Variants in SYN2 observed in about 807,000 individuals in gnomAD.
SYN2 encodes synapsin-2.
In SYN2, 19 loss-of-function variants were observed where a neutral mutation model predicts 50.9. The ratio of observed to expected loss-of-function variants is 0.37; its 90% CI spans 0.26 to 0.55. The LOEUF is 0.55. Ranked by LOEUF, SYN2 falls within the 20% of genes least tolerant of loss-of-function variation. The pLI is 0.81. For synonymous variants in SYN2, 255 were observed against 224.9 expected, an observed-to-expected ratio of 1.13 and a Z score of -1.20; for missense variants, 587 against 576.4, an observed-to-expected ratio of 1.02 and a Z score of -0.19.
chr3:12,119,247 T>G (rs569567612), intron 1 of SYN2, among the ~76,000 whole-genome samples: 1 of 152,302 alleles, frequency 6.6e-6, no homozygotes, highest in African/African-American at 2.4e-5. Context: ...TAACAACTCT[T>G]CTGGCCACTA....
intron 1 of SYN2, among the ~76,000 whole-genome samples, chr3:12,044,956 G>C (rs1694703719): frequency 6.6e-6 from 1 of 152,148 alleles, no homozygotes; most frequent in Non-Finnish European, 1.5e-5. Context: ...TTATGAATGA[G>C]AAAATTGAAG....
intron 1 of SYN2, among the ~76,000 whole-genome samples, chr3:12,129,893 GGT>G (rs1322174673): frequency 6.6e-6 from 1 of 152,048 alleles, no homozygotes; most frequent in Non-Finnish European, 1.5e-5. Flanking sequence ...GTTGAGATGA[GGT>G]CATGAGAGCG....
At chr3:12,005,883 T>C (rs1574880665) in intron 1 of SYN2, among the ~76,000 whole-genome samples, 1 of 151,636 alleles carries the variant, frequency 6.6e-6, no homozygotes, top group Admixed American at 6.6e-5. Context: ...CTCTATTTTA[T>C]AGTTAACCTA....
chr3:12,033,210 G>T (rs1450713513), intron 1 of SYN2, among the ~76,000 whole-genome samples: 11 of 148,644 alleles, frequency 7.4e-5, no homozygotes, highest in South Asian at 4.4e-4. Context: ...AGGGGTCAGG[G>T]ACCCACTTGA....
intron 1 of SYN2, among the ~76,000 whole-genome samples, chr3:12,128,021 C>G (rs548947153): frequency 6.6e-6 from 1 of 151,850 alleles, no homozygotes; most frequent in African/African-American, 2.4e-5. Flanking sequence ...ACATGGCTCA[C>G]TGCAGCCTCA....
intron 1 of SYN2, among the ~76,000 whole-genome samples, chr3:12,046,211 G>A (rs1355033044): frequency 6.6e-6 from 1 of 152,152 alleles, no homozygotes; most frequent in Non-Finnish European, 1.5e-5. Context: ...GGTAAATTGG[G>A]TGGGTGAAAC....
intron 1 of SYN2, among the ~76,000 whole-genome samples, chr3:12,024,117 C>T (rs891298890): frequency 6.7e-6 from 1 of 149,982 alleles, no homozygotes; most frequent in Non-Finnish European, 1.5e-5. Context: ...ACATTACCAG[C>T]GCCTGCTAAG....
intron 10 of SYN2, among the ~76,000 whole-genome samples, chr3:12,177,825 A>G (rs2125250561): frequency 6.6e-6 from 1 of 152,350 alleles, no homozygotes; most frequent in African/African-American, 2.4e-5. Flanking sequence ...CCTGCCCCTC[A>G]GTGCCCCCAG....
chr3:12,173,136 CT>C (rs1294695570), intron 10 of SYN2, among the ~76,000 whole-genome samples: 4 of 152,210 alleles, frequency 2.6e-5, no homozygotes, highest in African/African-American at 4.8e-5. Context: ...CCTTCTGAGC[CT>C]TGTGCCTTCA....
chr3:12,187,954 GGTTT>G (rs1358670621), intron 12 of SYN2, among the ~76,000 whole-genome samples: 6 of 151,932 alleles, frequency 3.9e-5, no homozygotes, highest in African/African-American at 9.7e-5. Context: ...TTAAGGTTTT[GGTTT>G]GTTTATTTTA....
intron 1 of SYN2, among the ~76,000 whole-genome samples, chr3:12,039,160 A>G (rs936779524): frequency 6.6e-6 from 1 of 152,104 alleles, no homozygotes; most frequent in African/African-American, 2.4e-5. Context: ...TATTGATACG[A>G]TTATTTAGTT....
chr3:12,120,709 A>G (rs1696537764), intron 1 of SYN2, among the ~76,000 whole-genome samples: 1 of 152,140 alleles, frequency 6.6e-6, no homozygotes, highest in South Asian at 2.1e-4. Flanking sequence ...CTGAGGGAAT[A>G]CATCTCAACC....
chr3:12,117,167 G>A (rs531352451), intron 1 of SYN2, among the ~76,000 whole-genome samples: 1 of 152,122 alleles, frequency 6.6e-6, no homozygotes, highest in African/African-American at 2.4e-5. Flanking sequence ...AGTGCAGTTG[G>A]TTACAACCCC....
intron 1 of SYN2, among the ~76,000 whole-genome samples, chr3:12,114,046 C>T (rs566495900): frequency 6.7e-6 from 1 of 150,224 alleles, no homozygotes; most frequent in East Asian, 2.0e-4. Flanking sequence ...ATATTCCCAC[C>T]AAGAGTGTAT....
intron 1 of SYN2, among the ~76,000 whole-genome samples, chr3:12,119,716 G>C (rs1036637196): frequency 2.6e-5 from 4 of 152,100 alleles, no homozygotes; most frequent in African/African-American, 9.7e-5. Flanking sequence ...CCTATGTCAG[G>C]AAAGCTTTTG....
intron 9 of SYN2, 87 bp from the exon 10 acceptor site, chr3:12,169,670 G>T (rs1697892275): frequency 6.7e-7 from 1 of 1,488,900 alleles, no homozygotes. Flanking sequence ...ATCTCTGCTG[G>T]CTTAATTCCT....
chr3:12,033,186 G>A (rs1466569453), intron 1 of SYN2, among the ~76,000 whole-genome samples: 4 of 151,964 alleles, frequency 2.6e-5, no homozygotes, highest in Non-Finnish European at 5.9e-5. Context: ...TCCCAGTTAG[G>A]CTGCTCGGGG....
At chr3:12,131,006 G>T (rs1423535580) in intron 1 of SYN2, among the ~76,000 whole-genome samples, 1 of 152,180 alleles carries the variant, frequency 6.6e-6, no homozygotes, top group African/African-American at 2.4e-5. Flanking sequence ...CACAGGGGCT[G>T]GGAAACTGTC....
At chr3:12,105,671 T>C (rs551912269) in intron 1 of SYN2, among the ~76,000 whole-genome samples, 1 of 151,988 alleles carries the variant, frequency 6.6e-6, no homozygotes, top group South Asian at 2.1e-4. Context: ...TGGTGTCACT[T>C]GAAGATTTTT....
Sources: allele counts gnomAD v4.1 joint callset (sites outside exome capture counted in the v4.1 genomes callset), GRCh38; gene constraint gnomAD v4.1.1; transcripts MANE v1.5; gene names NCBI Gene and HGNC (gene_info 2026-07-23, HGNC 2026-07-21).